Variants in SHPRH observed in about 807,000 individuals in gnomAD.
SHPRH encodes E3 ubiquitin-protein ligase SHPRH.
Under a neutral mutation model 202.5 loss-of-function variants are expected in SHPRH, and 106 were observed. The ratio of observed to expected loss-of-function variants is 0.52; its 90% confidence interval spans 0.45 to 0.62. The LOEUF is 0.62. Among genes scored for constraint, SHPRH ranks in the 20% least tolerant of loss-of-function variants. SHPRH has a pLI of 0.00. For missense variants in SHPRH, 1,710 were observed against 2,020.0 expected, an observed-to-expected ratio of 0.85 and a Z score of 2.94; for synonymous variants, 729 against 686.0, an observed-to-expected ratio of 1.06 and a Z score of -0.98.
chr6:145,951,021 T>C (rs190161688), intron 3 of SHPRH, among the ~76,000 whole-genome samples: 3 of 152,226 alleles, frequency 2.0e-5, no homozygotes, highest in East Asian at 3.9e-4. Context: ...CAATAAGAAA[T>C]GGGTTCTCAT....
chr6:145,877,512 A>T (rs1451484543), intron 2 of SHPRH: 1 of 152,188 alleles, frequency 6.6e-6, no homozygotes, highest in Non-Finnish European at 1.5e-5. Flanking sequence ...GAGACAAGGA[A>T]ATAATATTTA....
downstream of SHPRH, among the ~76,000 whole-genome samples, chr6:145,859,530 G>C (rs1229707006): frequency 6.6e-6 from 1 of 151,780 alleles, no homozygotes; most frequent in Admixed American, 6.6e-5. Context: ...CTTTACAAAA[G>C]GTAATGTTAG....
chr6:145,964,178 CTT>C lies in SHPRH; in HGVS notation c.-482_-481del, dbSNP rs1296790447. On this transcript the variant is annotated 5_prime_UTR_variant, in exon 1 of 30. Transcript: ENST00000275233. ...CTACCCAAGCTGGTTCTCCGAGCCTCTTGAGTCTGTTTGCACCAGGCCTGCGC... is the reference window on the plus strand; with the variant it reads ...CTACCCAAGCTGGTTCTCCGAGCCTCGAGTCTGTTTGCACCAGGCCTGCGC... The C allele has an allele frequency of 6.6e-6, 1 of 152,412 alleles. No homozygotes were observed. Among genetic ancestry groups the C allele is most frequent in the Non-Finnish European group, 1.5e-5 (1 of 68,232 alleles). The allele number at this position is 152,412 out of a possible 1,614,324, so 9.4% of individuals were successfully genotyped here.
intron 15 of SHPRH, 39 bp downstream of exon 15, chr6:145,927,150 C>A: frequency 1.9e-6 from 3 of 1,563,714 alleles, no homozygotes; most frequent in Admixed American, 1.7e-5. Context: ...GTTAAAAAAA[C>A]AAACAGAATA....
At chr6:145,939,327 A>G (rs1474904206) in intron 11 of SHPRH, among the ~76,000 whole-genome samples, 2 of 152,170 alleles carry the variant, frequency 1.3e-5, no homozygotes, top group Non-Finnish European at 2.9e-5. Context: ...CTACAAATAC[A>G]TGTCAAAACT....
chr6:145,939,375 A>G (rs1786488729), intron 11 of SHPRH, among the ~76,000 whole-genome samples: 1 of 152,322 alleles, frequency 6.6e-6, no homozygotes, highest in Non-Finnish European at 1.5e-5. Flanking sequence ...GTTATATGTC[A>G]TTTATATCTC....
At position 145,886,296 on chromosome 6, in the gene SHPRH, A is replaced by C. The variant is rs1780999767; in HGVS notation, c.*395T>G. 2 of 534,990 alleles carry C rather than the reference A, an allele frequency of 3.7e-6. No individual in the cohort carries two copies. Among genetic ancestry groups the C allele is most frequent in the South Asian group, 5.3e-5 (2 of 37,594 alleles). The allele number at this position is 534,990 out of a possible 1,614,324, so 33.1% of individuals were successfully genotyped here. On this transcript the variant is annotated 3_prime_UTR_variant, in exon 30 of 30. Transcript: ENST00000275233. ...TAAAGATACTGAAGGCCCTTCCAAA[A>C]CTGAGATCTATGTTTGTTCAATATA... is the stretch of plus-strand genomic sequence containing the variant.
intron 2 of SHPRH, among the ~76,000 whole-genome samples, chr6:145,865,083 ATCT>A (rs1259489746): frequency 1.3e-5 from 2 of 152,162 alleles, no homozygotes; most frequent in African/African-American, 2.4e-5. Flanking sequence ...TGGATTGAAC[ATCT>A]TCTTGCCCAT....
At chr6:145,906,001 T>G (rs1289843523) in intron 25 of SHPRH, 2 of 152,030 alleles carry the variant, frequency 1.3e-5, no homozygotes, top group Non-Finnish European at 2.9e-5. Context: ...TGCTCTTCAC[T>G]TCCCTGCTTT....
In SHPRH at chr6:145,926,330, T is replaced by A. The variant is rs780316251; in HGVS notation, c.3202-34A>T. On this transcript the variant is annotated intron_variant, in intron 15 of 29. Transcript: ENST00000275233. The stretch of plus-strand genomic sequence containing the variant: ...ATATCAAAGGCAGTAATTATGACAG[T>A]CAATGCAGAAGACTCTGAAGAGAAC... The A allele has an allele frequency of 2.5e-6, 4 of 1,573,344 alleles. No homozygotes were observed. In the Admixed American group the frequency reaches 6.7e-5, roughly 26 times the overall value.
intron 1 of SHPRH, among the ~76,000 whole-genome samples, chr6:145,956,246 C>T (rs926167413): frequency 6.6e-6 from 1 of 152,006 alleles, no homozygotes; most frequent in Non-Finnish European, 1.5e-5. Flanking sequence ...ATACAAAAAA[C>T]TTTTTGAAAA....
Position 145,902,453 on chromosome 6 carries a change from A to G in SHPRH, c.4516-7476T>C, listed in dbSNP as rs533595560. Among the ~76,000 whole-genome samples, 14 of 152,266 alleles carry G rather than the reference A, an allele frequency of 9.2e-5. No individual in the cohort carries two copies. In the South Asian group the frequency reaches 2.9e-3, roughly 32 times the overall value. ...ACAAGTTGTTAAATGTGTTAAAATG[A>G]CAGAAAATTCAGTTTTGTTTCTTTG... On this transcript the variant is annotated intron_variant, in intron 25 of 29. Transcript: ENST00000275233.
chr6:145,922,912 T>C lies in SHPRH; in HGVS notation c.3546-76A>G, dbSNP rs73580202. 5.0e-3 allele frequency: 7,182 copies of C among 1,447,600 alleles called. 306 individuals carry two copies. In the African/African-American group the frequency reaches 0.091, roughly 18 times the overall value. 89.7% of individuals were successfully genotyped at this position (1,447,600 alleles called of 1,614,324 possible). A position where few individuals can be genotyped will look rare whatever the true frequency, so the allele number is the denominator to read the frequency against. On this transcript the variant is annotated intron_variant, in intron 18 of 29. Coordinates refer to ENST00000275233, the MANE Select transcript of SHPRH (RefSeq NM_001042683.3). Reference sequence around the variant, plus strand: ...CAATTTCCTCAAATTCAGAGAATGGTTGCCAAACAAAGTGTTAAAGAAACT... The same window carrying C: ...CAATTTCCTCAAATTCAGAGAATGGCTGCCAAACAAAGTGTTAAAGAAACT...
At chr6:145,950,579 C>T in intron 3 of SHPRH, 97 bp from the exon 4 acceptor site, 1 of 1,105,542 alleles carries the variant, frequency 9.0e-7, no homozygotes, top group Non-Finnish European at 1.3e-6. Flanking sequence ...TTGCCCAACT[C>T]TGGGGCCTTG....
rs1272446324 is a variant in SHPRH, at chr6:145,885,986, A to C, written c.*705T>G. On this transcript the variant is annotated 3_prime_UTR_variant, in exon 30 of 30. Transcript: ENST00000275233. Reference sequence around the variant, plus strand: ...AAATTAAGAGTAGGGAAAGCAGATAATTTTAAGGTAATCATTAATACATTA... The same window carrying C: ...AAATTAAGAGTAGGGAAAGCAGATACTTTTAAGGTAATCATTAATACATTA... The C allele has an allele frequency of 6.6e-6, 1 of 152,194 alleles. No homozygotes were observed. Among genetic ancestry groups the C allele is most frequent in the Non-Finnish European group, 1.5e-5 (1 of 68,098 alleles). The allele number at this position is 152,194 out of a possible 1,614,324, so 9.4% of individuals were successfully genotyped here. A position where few individuals can be genotyped will look rare whatever the true frequency, so the allele number is the denominator to read the frequency against.
intron 13 of SHPRH, among the ~76,000 whole-genome samples, chr6:145,934,054 C>CAAG (rs1329205949): frequency 6.6e-6 from 1 of 152,010 alleles, no homozygotes; most frequent in Non-Finnish European, 1.5e-5. Context: ...AAGAAGTGTT[C>CAAG]AAGGCCAGGT....
chr6:145,918,037 T>C, intron 23 of SHPRH, 94 bp downstream of exon 23: 1 of 869,218 alleles, frequency 1.2e-6, no homozygotes, highest in Non-Finnish European at 1.8e-6. Context: ...AAATACTAAT[T>C]ACAACAATTT....
intron 4 of SHPRH, among the ~76,000 whole-genome samples, chr6:145,949,211 A>G (rs1361955536): frequency 6.6e-6 from 1 of 152,186 alleles, no homozygotes. Flanking sequence ...ACTACTGGGT[A>G]TCTACCCAAA....
intron 22 of SHPRH, 162 bp downstream of exon 22, chr6:145,919,186 T>G (rs1056195548): frequency 2.2e-5 from 21 of 961,842 alleles, no homozygotes; most frequent in Non-Finnish European, 3.0e-5. Context: ...CTTTGACCAT[T>G]TTTGGTCTAT....
Sources: gnomAD v4.1 joint callset for allele counts (sites outside exome capture counted in the v4.1 genomes callset) on GRCh38, gnomAD v4.1.1 for gene constraint, MANE v1.5 for transcripts, NCBI Gene and HGNC (gene_info 2026-07-23, HGNC 2026-07-21) for gene names.